PTPRT: variants seen among roughly 807,000 people sequenced by gnomAD.
The protein encoded by PTPRT is receptor-type tyrosine-protein phosphatase T.
PTPRT carries 56 observed loss-of-function variants against 176.8 expected under a neutral mutation model. The observed-to-expected ratio is 0.32, with a 90% CI of 0.26 to 0.40. The LOEUF (loss-of-function observed/expected upper bound fraction) is 0.40, where lower values mean the gene tolerates loss of function less well. Ranked by LOEUF, PTPRT falls within the 10% of genes least tolerant of loss-of-function variation. The pLI is 1.00. For missense variants in PTPRT, 1,540 were observed against 1,908.2 expected, an observed-to-expected ratio of 0.81 and a Z score of 3.60; for synonymous variants, 783 against 739.0, an observed-to-expected ratio of 1.06 and a Z score of -0.96.
At chr20:42,291,162 C>G (rs1016159586) in intron 12 of PTPRT, among the ~76,000 whole-genome samples, 3 of 152,134 alleles carry the variant, frequency 2.0e-5, no homozygotes, top group African/African-American at 7.2e-5. Context: ...TAATTCTCCT[C>G]TAAGACTGTG....
intron 6 of PTPRT, among the ~76,000 whole-genome samples, chr20:42,682,910 G>C (rs2075627496): frequency 1.3e-5 from 2 of 152,200 alleles, no homozygotes; most frequent in South Asian, 4.1e-4. Flanking sequence ...GAGAGTAAAA[G>C]TGTTTCAAAT....
the PTPRT span, among the ~76,000 whole-genome samples, chr20:42,039,692 G>GTGTATATATATATATA: frequency 8.8e-6 from 1 of 113,206 alleles, no homozygotes; most frequent in Non-Finnish European, 2.0e-5. Context: ...ATTCTGTTGT[G>GTGTATATATATATATA]TATATATATA....
intron 9 of PTPRT, among the ~76,000 whole-genome samples, chr20:42,364,295 A>C (rs2058484679): frequency 6.6e-6 from 1 of 152,094 alleles, no homozygotes; most frequent in African/African-American, 2.4e-5. Flanking sequence ...CTTTTCTTTC[A>C]TTCAGCATTT....
In PTPRT at chr20:43,041,497, G is replaced by C. The variant is rs977876698; in HGVS notation, c.88+148149C>G. On this transcript the variant is annotated intron_variant, in intron 1 of 30. Coordinates refer to ENST00000373187, the MANE Select transcript of PTPRT (RefSeq NM_007050.6). ...TGGACAACAGGGACAAGTCCGCCCT[G>C]TCTCCCCAAAGCCAGCAACATTGAG... Among the ~76,000 whole-genome samples the C allele has an allele frequency of 2.6e-4, 39 of 152,206 alleles. 1 individual carries two copies. The highest frequency in any genetic ancestry group is 2.4e-5 in the African/African-American group (1 of 41,454).
intron 1 of PTPRT, among the ~76,000 whole-genome samples, chr20:43,129,865 G>C (rs373908512): frequency 6.6e-6 from 1 of 151,856 alleles, no homozygotes; most frequent in East Asian, 1.9e-4. Flanking sequence ...TGATCCGCCC[G>C]CCTCGGCCTC....
chr20:42,106,465 C>T (rs570705306), intron 24 of PTPRT, among the ~76,000 whole-genome samples: 1 of 152,310 alleles, frequency 6.6e-6, no homozygotes, highest in South Asian at 2.1e-4. Context: ...TCTATCACTT[C>T]ACCCAAGGCA....
chr20:42,163,815 C>A (rs6130066), intron 16 of PTPRT, among the ~76,000 whole-genome samples: 1 of 152,232 alleles, frequency 6.6e-6, no homozygotes, highest in Non-Finnish European at 1.5e-5. Context: ...GTGCAAGACC[C>A]TTGAAGCCAG....
chr20:42,962,447 A>C (rs1982042127), intron 1 of PTPRT, among the ~76,000 whole-genome samples: 1 of 151,644 alleles, frequency 6.6e-6, no homozygotes, highest in Non-Finnish European at 1.5e-5. Context: ...GAATACCTAA[A>C]TTACAAAAAA....
chr20:42,569,591 C>T (rs908844062), intron 7 of PTPRT, among the ~76,000 whole-genome samples: 6 of 152,156 alleles, frequency 3.9e-5, no homozygotes, highest in African/African-American at 1.4e-4. Flanking sequence ...CCACCAGCCT[C>T]ACCCTCACCA....
intron 7 of PTPRT, among the ~76,000 whole-genome samples, chr20:42,522,313 A>G (rs1426020229): frequency 6.6e-6 from 1 of 151,466 alleles, no homozygotes; most frequent in Admixed American, 6.6e-5. Context: ...CCTGAGTCCT[A>G]TGACTACATT....
At chr20:42,045,318 A>G in the PTPRT span, among the ~76,000 whole-genome samples, 2 of 151,950 alleles carry the variant, frequency 1.3e-5, no homozygotes, top group Non-Finnish European at 2.9e-5. Flanking sequence ...TGAATTTACT[A>G]ATTTAACAAC....
intron 7 of PTPRT, among the ~76,000 whole-genome samples, chr20:42,505,462 TG>T (rs2071827773): frequency 6.6e-6 from 1 of 152,028 alleles, no homozygotes; most frequent in South Asian, 2.1e-4. Context: ...CCACCATGCC[TG>T]GGTAATTTTT....
chr20:42,249,514 T>C (rs540318169), intron 13 of PTPRT, among the ~76,000 whole-genome samples: 2 of 152,344 alleles, frequency 1.3e-5, no homozygotes, highest in East Asian at 3.9e-4. Flanking sequence ...AGCCCTATCC[T>C]GGGTAACTTC....
chr20:42,657,565 T>A (rs1247797193), intron 7 of PTPRT, among the ~76,000 whole-genome samples: 1 of 150,708 alleles, frequency 6.6e-6, no homozygotes, highest in East Asian at 1.9e-4. Context: ...TAGTATGGCT[T>A]TGTGGGGGGG....
At chr20:42,123,038 TG>T (rs1987664531) in intron 19 of PTPRT, among the ~76,000 whole-genome samples, 1 of 152,230 alleles carries the variant, frequency 6.6e-6, no homozygotes, top group South Asian at 2.1e-4. Context: ...TAAATTTTTT[TG>T]TACCTTTCTC....
chr20:42,833,212 C>T (rs1434485607), intron 2 of PTPRT, among the ~76,000 whole-genome samples: 5 of 149,316 alleles, frequency 3.3e-5, no homozygotes, highest in African/African-American at 4.9e-5. Flanking sequence ...AATAGTCATG[C>T]AGTATAACTT....
At chr20:42,233,859 C>A (rs1056467878) in intron 15 of PTPRT, among the ~76,000 whole-genome samples, 9 of 152,194 alleles carry the variant, frequency 5.9e-5, no homozygotes, top group African/African-American at 2.2e-4. Context: ...TGGCACAGAA[C>A]TTCATGTCTG....
chr20:42,348,600 G>T (rs2058231170), intron 11 of PTPRT, among the ~76,000 whole-genome samples: 1 of 152,128 alleles, frequency 6.6e-6, no homozygotes, highest in African/African-American at 2.4e-5. Context: ...AAAATGAGGA[G>T]ACTATTATAC....
chr20:42,567,992 C>T (rs1361855989), intron 7 of PTPRT, among the ~76,000 whole-genome samples: 7 of 148,524 alleles, frequency 4.7e-5, no homozygotes, highest in African/African-American at 1.0e-4. Context: ...TTTTTGGAGA[C>T]GGAGTCTTGC....
Sources: gnomAD v4.1 joint callset for allele counts (sites outside exome capture counted in the v4.1 genomes callset) on GRCh38, gnomAD v4.1.1 for gene constraint, MANE v1.5 for transcripts, NCBI Gene and HGNC (gene_info 2026-07-23, HGNC 2026-07-21) for gene names.